The following HS6ST3 variants were observed in gnomAD, a reference collection of about 807,000 sequenced individuals.
HS6ST3 encodes the protein heparan-sulfate 6-O-sulfotransferase 3.
Under a neutral mutation model 36.7 loss-of-function variants are expected in HS6ST3, and 12 were observed. The observed-to-expected ratio is 0.33, with a 90% CI of 0.21 to 0.53. HS6ST3 has a LOEUF of 0.53. Among genes scored for constraint, HS6ST3 ranks in the 20% least tolerant of loss-of-function variants. The probability of loss-of-function intolerance (pLI) is 0.95; values close to 1 mark genes in which losing one functional copy is unlikely to be tolerated. For missense variants in HS6ST3, 584 were observed against 640.9 expected (o/e 0.91, Z 0.96); for synonymous variants, 240 against 257.5 (o/e 0.93, Z 0.65).
intron 1 of HS6ST3, among the ~76,000 whole-genome samples, chr13:96,813,037 C>T (rs1280182067): frequency 1.3e-5 from 2 of 152,154 alleles, no homozygotes; most frequent in Admixed American, 1.3e-4. Flanking sequence ...GGGATCAGCA[C>T]TCTCTGCCCT....
At chr13:96,104,778 G>A (rs986484902) in intron 1 of HS6ST3, among the ~76,000 whole-genome samples, 2 of 152,136 alleles carry the variant, frequency 1.3e-5, no homozygotes, top group African/African-American at 4.8e-5. Context: ...GCTCTTGGCC[G>A]TGTTTTCCCC....
intron 1 of HS6ST3, among the ~76,000 whole-genome samples, chr13:96,172,246 TCA>T (rs1403422006): frequency 6.6e-6 from 1 of 152,208 alleles, no homozygotes; most frequent in Non-Finnish European, 1.5e-5. Context: ...TTGCCTTTTA[TCA>T]CTTCAACTGC....
chr13:96,150,112 C>T (rs1408698468), intron 1 of HS6ST3, among the ~76,000 whole-genome samples: 1 of 152,004 alleles, frequency 6.6e-6, no homozygotes, highest in Admixed American at 6.5e-5. Context: ...GAATAAGGTA[C>T]GTGGACACCG....
chr13:96,123,140 C>A lies in HS6ST3; in HGVS notation c.707+31571C>A, dbSNP rs79289282. Among the ~76,000 whole-genome samples the A allele has an allele frequency of 9.9e-4, 151 of 152,282 alleles. 1 individual carries two copies. The highest frequency in any genetic ancestry group is 2.0e-3 in the Non-Finnish European group (133 of 68,022). On this transcript the variant is annotated intron_variant, in intron 1 of 1. Transcript: ENST00000376705. ...AGTTGAACTTACTATCCATATTTAA[C>A]ACATTGTGATGTCACCATGTTTCAC...
chr13:96,439,553 C>G (rs1429250381), intron 1 of HS6ST3, among the ~76,000 whole-genome samples: 2 of 152,210 alleles, frequency 1.3e-5, no homozygotes, highest in African/African-American at 4.8e-5. Context: ...TTTCATGGCT[C>G]TGGCACTTAG....
chr13:96,784,638 CTT>C (rs1485576579), intron 1 of HS6ST3, among the ~76,000 whole-genome samples: 3 of 152,116 alleles, frequency 2.0e-5, no homozygotes, highest in Non-Finnish European at 2.9e-5. Context: ...TTTTATGGCT[CTT>C]ATATATTATC....
At chr13:96,612,294 G>A (rs900307348) in intron 1 of HS6ST3, among the ~76,000 whole-genome samples, 1 of 151,944 alleles carries the variant, frequency 6.6e-6, no homozygotes, top group Non-Finnish European at 1.5e-5. Context: ...TGGCTTCCCA[G>A]ACCCCCACTC....
chr13:96,199,797 C>G (rs555588733), intron 1 of HS6ST3, among the ~76,000 whole-genome samples: 1 of 152,118 alleles, frequency 6.6e-6, no homozygotes, highest in East Asian at 1.9e-4. Context: ...AGAGAAAAGC[C>G]TAGGAATGCC....
At chr13:96,201,187 C>T (rs1047612143) in intron 1 of HS6ST3, among the ~76,000 whole-genome samples, 1 of 152,064 alleles carries the variant, frequency 6.6e-6, no homozygotes, top group Non-Finnish European at 1.5e-5. Flanking sequence ...ATAGACGGAT[C>T]GATTTGGGGC....
At chr13:96,161,570 G>GTAA (rs1020639459) in intron 1 of HS6ST3, among the ~76,000 whole-genome samples, 11 of 152,204 alleles carry the variant, frequency 7.2e-5, no homozygotes, top group African/African-American at 2.6e-4. Context: ...TACTCTTTAG[G>GTAA]TAAAAGAATA....
chr13:96,539,786 C>G (rs2056170713), intron 1 of HS6ST3, among the ~76,000 whole-genome samples: 1 of 152,216 alleles, frequency 6.6e-6, no homozygotes, highest in Non-Finnish European at 1.5e-5. Flanking sequence ...CCCCAGTGAA[C>G]CACCCCTAGG....
At chr13:96,136,336 G>A (rs959243068) in intron 1 of HS6ST3, among the ~76,000 whole-genome samples, 1 of 152,098 alleles carries the variant, frequency 6.6e-6, no homozygotes, top group African/African-American at 2.4e-5. Context: ...CGGGCTATAT[G>A]GAAGCGTGGC....
rs200033142 is a variant in HS6ST3, at chr13:96,833,106, C to T, written c.1324C>T (p.Arg442Ter). ...GCGGCGGGAGGAGCGGAGGCTGCAG[C>T]GAGAGCACAGGGACCACCAGTGGCC... ...QKRREERRLQ[R>*]EHRDHQWPKE... is the part of the protein sequence containing the mutation. Residue 442 changes from arginine (R) to a stop codon, truncating the protein, a stop_gained, in exon 2 of 2, where the codon CGA becomes TGA. Coordinates refer to ENST00000376705, the MANE Select transcript of HS6ST3 (RefSeq NM_153456.4). LOFTEE classifies it high-confidence loss of function. 3.7e-6 allele frequency: 6 copies of T among 1,605,828 alleles called. No individual in the cohort carries two copies. Among genetic ancestry groups the T allele is most frequent in the East Asian group, 4.5e-5 (2 of 44,854 alleles).
intron 1 of HS6ST3, among the ~76,000 whole-genome samples, chr13:96,750,372 G>A (rs1876670495): frequency 6.6e-6 from 1 of 152,180 alleles, no homozygotes; most frequent in South Asian, 2.1e-4. Context: ...TCATGACCTT[G>A]GTCCTGTCCC....
intron 1 of HS6ST3, among the ~76,000 whole-genome samples, chr13:96,495,623 C>A (rs2055971125): frequency 1.3e-5 from 2 of 152,068 alleles, no homozygotes; most frequent in South Asian, 4.1e-4. Flanking sequence ...CATATTGCCT[C>A]TTTATTTAAA....
chr13:96,325,601 A>C (rs908713771), intron 1 of HS6ST3, among the ~76,000 whole-genome samples: 1 of 151,976 alleles, frequency 6.6e-6, no homozygotes, highest in African/African-American at 2.4e-5. Flanking sequence ...TGCAAATCCT[A>C]TGCCATTTTC....
chr13:96,805,740 T>A (rs2138531344), intron 1 of HS6ST3, among the ~76,000 whole-genome samples: 1 of 152,320 alleles, frequency 6.6e-6, no homozygotes, highest in East Asian at 1.9e-4. Context: ...AATATGGAGC[T>A]TGATATTTCT....
At chr13:96,805,244 T>C (rs1193979161) in intron 1 of HS6ST3, among the ~76,000 whole-genome samples, 1 of 152,122 alleles carries the variant, frequency 6.6e-6, no homozygotes, top group East Asian at 1.9e-4. Context: ...GTCATGGAGA[T>C]GGACTTCCCC....
chr13:96,547,368 C>T (rs1453510735), intron 1 of HS6ST3, among the ~76,000 whole-genome samples: 1 of 152,072 alleles, frequency 6.6e-6, no homozygotes, highest in African/African-American at 2.4e-5. Flanking sequence ...TTGGGTTTGC[C>T]CAGCCCCTCA....
Sources: gnomAD v4.1 joint callset for allele counts (sites outside exome capture counted in the v4.1 genomes callset) on GRCh38, gnomAD v4.1.1 for gene constraint, MANE v1.5 for transcripts, NCBI Gene and HGNC (gene_info 2026-07-23, HGNC 2026-07-21) for gene names.